Variants in PARD3B observed in about 807,000 individuals in gnomAD.
The protein encoded by PARD3B is partitioning defective 3 homolog B.
In PARD3B, 103 loss-of-function variants were observed where a neutral mutation model predicts 130.2. That is an observed-to-expected ratio of 0.79 (90% confidence interval 0.67 to 0.93). The LOEUF is 0.93. Ranked by LOEUF, PARD3B falls within the 40% of genes least tolerant of loss-of-function variation. PARD3B has a pLI of 0.00. For missense variants in PARD3B, 1,609 were observed against 1,499.2 expected, an observed-to-expected ratio of 1.07 and a Z score of -1.21; for synonymous variants, 583 against 553.2, an observed-to-expected ratio of 1.05 and a Z score of -0.76.
At chr2:205,361,797 T>C (rs1162076446) in intron 18 of PARD3B, among the ~76,000 whole-genome samples, 1 of 151,994 alleles carries the variant, frequency 6.6e-6, no homozygotes, top group African/African-American at 2.4e-5. Flanking sequence ...CGTTTTACTC[T>C]CCTCTTTAAA....
chr2:205,502,069 C>T (rs969489299), intron 21 of PARD3B, among the ~76,000 whole-genome samples: 1 of 152,128 alleles, frequency 6.6e-6, no homozygotes, highest in African/African-American at 2.4e-5. Context: ...TGAGATACTC[C>T]AAGCCAGGGA....
chr2:205,334,767 T>C (rs966439835), intron 18 of PARD3B, among the ~76,000 whole-genome samples: 2 of 152,228 alleles, frequency 1.3e-5, no homozygotes, highest in African/African-American at 4.8e-5. Context: ...TGCTTATCAT[T>C]AGTTGAATGC....
At chr2:205,555,532 CT>C (rs1575347991) in intron 22 of PARD3B, among the ~76,000 whole-genome samples, 1 of 152,192 alleles carries the variant, frequency 6.6e-6, no homozygotes, top group African/African-American at 2.4e-5. Flanking sequence ...GGATTAAACA[CT>C]GTGGTGGGGG....
At chr2:205,415,658 A>G (rs916020108) in intron 19 of PARD3B, among the ~76,000 whole-genome samples, 55 of 152,152 alleles carry the variant, frequency 3.6e-4, no homozygotes, top group African/African-American at 1.2e-3. Flanking sequence ...TGAAATAACC[A>G]CCTACAGATA....
At chr2:204,743,323 C>T (rs1461004685) in intron 2 of PARD3B, among the ~76,000 whole-genome samples, 2 of 151,892 alleles carry the variant, frequency 1.3e-5, no homozygotes, top group Non-Finnish European at 2.9e-5. Flanking sequence ...CTTTTGAAAT[C>T]CTTAATTGCA....
chr2:205,474,267 G>T (rs2048949862), intron 20 of PARD3B, among the ~76,000 whole-genome samples: 1 of 151,896 alleles, frequency 6.6e-6, no homozygotes, highest in South Asian at 2.1e-4. Flanking sequence ...AAATAAAATT[G>T]CTAATTATTC....
chr2:205,297,290 T>G (rs2041832245), intron 16 of PARD3B, among the ~76,000 whole-genome samples: 1 of 152,168 alleles, frequency 6.6e-6, no homozygotes, highest in African/African-American at 2.4e-5. Context: ...AAAATGTGAT[T>G]TTTGTAAATG....
At chr2:204,931,071 G>T (rs1407077115) in intron 2 of PARD3B, among the ~76,000 whole-genome samples, 5 of 152,068 alleles carry the variant, frequency 3.3e-5, no homozygotes, top group African/African-American at 1.2e-4. Flanking sequence ...GCTGGATGCC[G>T]ATAGAAGGAA....
At position 205,263,071 on chromosome 2, in the gene PARD3B, G is replaced by A. The variant is rs1409202897; in HGVS notation, c.2185+17249G>A. On this transcript the variant is annotated intron_variant, in intron 16 of 22. Transcript: ENST00000406610. This position sits in a 1 kb window ranked among gnomAD's most constrained non-coding sequence, Gnocchi z 4.0. ...CATGGGGGTAATTTATGAATCTGGA[G>A]AAATAACAGAGTAAGAAGAGATGAA... 6.6e-6 allele frequency among the ~76,000 whole-genome samples: 1 copy of A among 151,974 alleles called. No homozygotes were observed. The highest frequency in any genetic ancestry group is 1.5e-5 in the Non-Finnish European group (1 of 67,948).
intron 2 of PARD3B, among the ~76,000 whole-genome samples, chr2:204,863,618 A>G (rs1479743109): frequency 2.0e-5 from 3 of 152,214 alleles, no homozygotes; most frequent in East Asian, 3.9e-4. Context: ...GGAAATTTCT[A>G]TTCTGGGTTC....
chr2:204,625,863 A>T (rs2034469041), intron 1 of PARD3B, among the ~76,000 whole-genome samples: 1 of 152,160 alleles, frequency 6.6e-6, no homozygotes, highest in South Asian at 2.1e-4. Flanking sequence ...CAGCTGTATT[A>T]CCATCCTTTT....
rs530301152 is a variant in PARD3B, at chr2:205,461,539, A to C, written c.3044+20867A>C. The stretch of plus-strand genomic sequence containing the variant: ...AGCTGTCCAGGGACATGCACCCTCT[A>C]CCTCCCAGAGACCTAACCTATTTCC... On this transcript the variant is annotated intron_variant, in intron 20 of 22. Transcript: ENST00000406610. The surrounding 1 kb of genome is among the most constrained non-coding windows in gnomAD (Gnocchi z 4.3). 1.3e-5 allele frequency among the ~76,000 whole-genome samples: 2 copies of C among 152,120 alleles called. No individual in the cohort carries two copies. The highest frequency in any genetic ancestry group is 4.8e-5 in the African/African-American group (2 of 41,484).
Position 205,615,865 on chromosome 2 carries a change from C to T in PARD3B, c.*52C>T. ...CCAGAAAGGAAGGTGTCTACTCTACCTTTGCCCTTTCTAAACCTGAAGACC... is the reference window on the plus strand; with the variant it reads ...CCAGAAAGGAAGGTGTCTACTCTACTTTTGCCCTTTCTAAACCTGAAGACC... On this transcript the variant is annotated 3_prime_UTR_variant, in exon 23 of 23. Coordinates refer to ENST00000406610, the MANE Select transcript of PARD3B (RefSeq NM_001302769.2). 6.8e-7 allele frequency: 1 copy of T among 1,472,608 alleles called. No homozygotes were observed. The highest frequency in any genetic ancestry group is 9.2e-7 in the Non-Finnish European group (1 of 1,082,964). 91.2% of individuals were successfully genotyped at this position (1,472,608 alleles called of 1,614,324 possible).
At chr2:205,206,216 C>CTTTTTTTTTTTT (rs201694463) in intron 15 of PARD3B, among the ~76,000 whole-genome samples, 2 of 127,890 alleles carry the variant, frequency 1.6e-5, no homozygotes, top group Admixed American at 7.9e-5. Flanking sequence ...TTTTTTTTTT[C>CTTTTTTTTTTTT]TTTTTTTTTT....
intron 2 of PARD3B, among the ~76,000 whole-genome samples, chr2:204,919,263 A>G (rs1007246509): frequency 6.6e-6 from 1 of 152,204 alleles, no homozygotes; most frequent in African/African-American, 2.4e-5. Context: ...TTATAAAGTA[A>G]AATTTACATA....
At chr2:205,226,309 G>T (rs549035898) in intron 15 of PARD3B, among the ~76,000 whole-genome samples, 1 of 152,144 alleles carries the variant, frequency 6.6e-6, no homozygotes, top group African/African-American at 2.4e-5. Context: ...CCAAGTTCTG[G>T]GATCACAGGC....
At chr2:205,096,913 A>G (rs1382761289) in intron 4 of PARD3B, among the ~76,000 whole-genome samples, 1 of 152,190 alleles carries the variant, frequency 6.6e-6, no homozygotes. Context: ...TGTTTGTTTC[A>G]TAATATGGTA....
In PARD3B at chr2:205,374,876, G is replaced by A. The variant is rs1480596626; in HGVS notation, c.2631-26137G>A. Among the ~76,000 whole-genome samples the A allele has an allele frequency of 2.0e-5, 3 of 152,232 alleles. No homozygotes were observed. The East Asian group carries it at 5.8e-4, about 29-fold the overall frequency. On this transcript the variant is annotated intron_variant, in intron 18 of 22. Transcript: ENST00000406610. ...ATTCCTTCCAGTTTTTCAAAGGTTA[G>A]ACATGCCACCATGCATGAGCACAAA...
chr2:205,143,564 T>C (rs2033137737), intron 10 of PARD3B, among the ~76,000 whole-genome samples: 1 of 152,154 alleles, frequency 6.6e-6, no homozygotes, highest in Admixed American at 6.5e-5. Context: ...TAGAAATTGC[T>C]CCCTTACCCT....
Sources: gnomAD v4.1 joint callset for allele counts (sites outside exome capture counted in the v4.1 genomes callset) on GRCh38, gnomAD v4.1.1 for gene constraint, Gnocchi (gnomAD v3.1) non-coding constraint, MANE v1.5 for transcripts, NCBI Gene and HGNC (gene_info 2026-07-23, HGNC 2026-07-21) for gene names.